DCDC2C: variants seen among roughly 807,000 people sequenced by gnomAD.
DCDC2C encodes the protein doublecortin domain-containing protein 2C.
A neutral mutation model predicts 45.0 loss-of-function variants in DCDC2C; 44 were observed. That is an observed-to-expected ratio of 0.98 (90% CI 0.77 to 1.26). The LOEUF (loss-of-function observed/expected upper bound fraction) is 1.26. DCDC2C is among the 50% of genes most tolerant of loss of function. The pLI is 0.00. For synonymous variants in DCDC2C, 187 were observed against 178.8 expected (o/e 1.05, Z -0.37); for missense variants, 447 against 468.9 (o/e 0.95, Z 0.43).
intron 1 of DCDC2C, among the ~76,000 whole-genome samples, chr2:3,707,973 A>T (rs375970810): frequency 1.5e-4 from 23 of 152,326 alleles, no homozygotes; most frequent in African/African-American, 5.3e-4. Flanking sequence ...ACCCATGAAA[A>T]CATTTTATTT....
intron 6 of DCDC2C, among the ~76,000 whole-genome samples, chr2:3,757,008 T>A (rs1269234569): frequency 6.6e-6 from 1 of 152,226 alleles, no homozygotes; most frequent in Non-Finnish European, 1.5e-5. Flanking sequence ...TACTCCATTG[T>A]TCCATATATA....
At chr2:3,782,605 A>G (rs1216840670) in intron 9 of DCDC2C, among the ~76,000 whole-genome samples, 1 of 123,228 alleles carries the variant, frequency 8.1e-6, no homozygotes, top group Non-Finnish European at 1.9e-5. Context: ...CAGCCTCCCG[A>G]GTAGCTGGGA....
At position 3,752,820 on chromosome 2, in the gene DCDC2C, C is replaced by G; in HGVS notation, c.603C>G (p.His201Gln). The change falls in exon 5 of 11, where the codon CAC (histidine) becomes CAG (glutamine). Residue 201 changes from histidine (H) to glutamine (Q), a missense_variant. Physicochemically the swap from His to Gln is conservative, Grantham distance 24. Coordinates refer to ENST00000399143, the MANE Select transcript of DCDC2C (RefSeq NM_001287444.2). ...ACTCAAAGGATTTGCAAGACAATCA[C>G]TTTTATGTTGCTGTGGGACTGGAGA... is the stretch of plus-strand genomic sequence containing the variant. ...LGDSKDLQDN[H>Q]FYVAVGLETF... 1 of 1,550,464 alleles carries G rather than the reference C, an allele frequency of 6.4e-7. No individual in the cohort carries two copies. Among genetic ancestry groups the G allele is most frequent in the Non-Finnish European group, 8.7e-7 (1 of 1,146,916 alleles).
At chr2:3,834,036 G>C (rs1672013572) in intron 10 of DCDC2C, among the ~76,000 whole-genome samples, 1 of 152,084 alleles carries the variant, frequency 6.6e-6, no homozygotes, top group Non-Finnish European at 1.5e-5. Context: ...AGCAGTTTTA[G>C]TTTTATAGAA....
At chr2:3,713,166 T>C (rs1212693252) in intron 2 of DCDC2C, among the ~76,000 whole-genome samples, 1 of 152,236 alleles carries the variant, frequency 6.6e-6, no homozygotes, top group East Asian at 1.9e-4. Context: ...TTTGTACAAC[T>C]TGCTAGTATT....
intron 10 of DCDC2C, among the ~76,000 whole-genome samples, chr2:3,813,175 G>T (rs1287274014): frequency 6.6e-6 from 1 of 151,320 alleles, no homozygotes; most frequent in South Asian, 2.1e-4. Flanking sequence ...GGGTTCAAGC[G>T]ATTCCCTTTC....
intron 2 of DCDC2C, among the ~76,000 whole-genome samples, chr2:3,712,308 G>A (rs554037907): frequency 1.3e-5 from 2 of 152,228 alleles, no homozygotes; most frequent in African/African-American, 4.8e-5. Context: ...ACCACAGTTT[G>A]CCTGCCTTGT....
intron 2 of DCDC2C, among the ~76,000 whole-genome samples, chr2:3,712,756 C>T (rs904449265): frequency 5.9e-5 from 9 of 152,120 alleles, no homozygotes; most frequent in African/African-American, 1.7e-4. Context: ...CCCATGCTGC[C>T]GATTTTCTAT....
intron 5 of DCDC2C, among the ~76,000 whole-genome samples, chr2:3,753,997 G>A (rs1669615230): frequency 6.6e-6 from 1 of 152,200 alleles, no homozygotes; most frequent in Non-Finnish European, 1.5e-5. Context: ...GGGCTGTGGA[G>A]TTGAGTCGTT....
chr2:3,733,283 T>A (rs1001671324), intron 3 of DCDC2C, among the ~76,000 whole-genome samples: 6 of 152,196 alleles, frequency 3.9e-5, no homozygotes, highest in Non-Finnish European at 8.8e-5. Context: ...GCAGATGAAG[T>A]GAGGGACAGC....
At chr2:3,779,589 T>C (rs758633795) in intron 9 of DCDC2C, among the ~76,000 whole-genome samples, 9 of 152,226 alleles carry the variant, frequency 5.9e-5, no homozygotes, top group Non-Finnish European at 1.3e-4. Flanking sequence ...TGTGGATCTT[T>C]ATTTTTGTTT....
At chr2:3,808,260 A>G (rs1671304084) in intron 10 of DCDC2C, among the ~76,000 whole-genome samples, 1 of 152,138 alleles carries the variant, frequency 6.6e-6, no homozygotes. Context: ...TTGTGATTTT[A>G]CTTTGCATTT....
intron 1 of DCDC2C, 39 bp from the exon 2 acceptor site, chr2:3,708,510 C>T (rs1668126344): frequency 1.4e-6 from 2 of 1,469,646 alleles, no homozygotes; most frequent in Non-Finnish European, 9.2e-7. Context: ...ATGTAAATAT[C>T]TTCCTTCTAA....
intron 10 of DCDC2C, among the ~76,000 whole-genome samples, chr2:3,831,914 G>T (rs148772798): frequency 1.3e-5 from 2 of 152,346 alleles, no homozygotes; most frequent in East Asian, 1.9e-4. Context: ...GCGAATGGAA[G>T]GTAGCCCTGC....
At chr2:3,704,280 GGCCGGCAGCGATTCAGGACC>G (rs1306025492) in intron 1 of DCDC2C, 2 of 379,646 alleles carry the variant, frequency 5.3e-6, no homozygotes, top group African/African-American at 4.2e-5. Context: ...GGCGGGCCCT[GGCCGGCAGCGATTCAGGACC>G]GCCCCAGAGA....
chr2:3,829,967 A>G (rs1563173), intron 10 of DCDC2C, among the ~76,000 whole-genome samples: 89,299 of 152,148 alleles, frequency 0.59, 26,158 homozygotes, highest in East Asian at 0.67. Context: ...CTGTTGTGGA[A>G]TGGAAGTGGC....
chr2:3,777,010 C>A (rs1024495760), intron 8 of DCDC2C, among the ~76,000 whole-genome samples: 19 of 152,198 alleles, frequency 1.2e-4, no homozygotes, highest in Admixed American at 2.6e-4. Flanking sequence ...CCCTCTCTGC[C>A]TGTGTTACCA....
At chr2:3,729,633 G>A (rs1230203928) in intron 3 of DCDC2C, among the ~76,000 whole-genome samples, 2 of 152,230 alleles carry the variant, frequency 1.3e-5, no homozygotes, top group South Asian at 2.1e-4. Flanking sequence ...CCAGAGACTG[G>A]GAGACAGGCC....
chr2:3,754,158 A>ACATGCAATCACT (rs555860573), intron 5 of DCDC2C, among the ~76,000 whole-genome samples: 90 of 152,348 alleles, frequency 5.9e-4, no homozygotes, highest in African/African-American at 2.0e-3. Context: ...ACAGGAGGCC[A>ACATGCAATCACT]CATGCAATCA....
Sources: allele counts gnomAD v4.1 joint callset (sites outside exome capture counted in the v4.1 genomes callset), GRCh38; gene constraint gnomAD v4.1.1; transcripts MANE v1.5; gene names NCBI Gene and HGNC (gene_info 2026-07-23, HGNC 2026-07-21).